NINL: variants seen among roughly 807,000 people sequenced by gnomAD.
NINL encodes ninein like, also known as ninein-like protein.
A neutral mutation model predicts 160.3 loss-of-function variants in NINL; 153 were observed. The observed-to-expected ratio is 0.95, with a 90% CI of 0.84 to 1.09. The LOEUF is 1.09. Ranked by LOEUF, NINL falls within the 50% of genes least tolerant of loss-of-function variation. The pLI is 0.00. For missense variants in NINL, 1,829 were observed against 1,764.0 expected (o/e 1.04, Z -0.66); for synonymous variants, 800 against 734.8 (o/e 1.09, Z -1.43).
chr20:25,496,900 A>C (rs2063767073), intron 9 of NINL, 97 bp from the exon 10 acceptor site: 8 of 1,489,562 alleles, frequency 5.4e-6, no homozygotes, highest in Non-Finnish European at 7.3e-6. Flanking sequence ...TCAATGATAG[A>C]AACTAGCACA....
At chr20:25,470,192 C>A (rs780442557) in intron 17 of NINL, 97 bp from the exon 18 acceptor site, 7 of 866,162 alleles carry the variant, frequency 8.1e-6, no homozygotes, top group African/African-American at 6.6e-5. Context: ...AACTGTGCGT[C>A]CCCATCTCCC....
At chr20:25,492,245 AG>A (rs1473052086) in intron 10 of NINL, among the ~76,000 whole-genome samples, 2 of 152,220 alleles carry the variant, frequency 1.3e-5, no homozygotes, top group African/African-American at 4.8e-5. Context: ...AAAAGGGAAG[AG>A]TATGAAGGAA....
At chr20:25,549,063 C>T (rs2064775451) in intron 1 of NINL, among the ~76,000 whole-genome samples, 1 of 138,370 alleles carries the variant, frequency 7.2e-6, no homozygotes, top group Non-Finnish European at 1.5e-5. Context: ...GGCCTGACCC[C>T]GGCACCCACG....
At chr20:25,512,792 C>G (rs755393199) in intron 4 of NINL, 42 bp downstream of exon 4, 1 of 1,562,678 alleles carries the variant, frequency 6.4e-7, no homozygotes, top group Admixed American at 1.9e-5. Flanking sequence ...ATTTGTTATT[C>G]CCAACACTGG....
chr20:25,553,052 C>T (rs2064823608), intron 1 of NINL, among the ~76,000 whole-genome samples: 4 of 151,242 alleles, frequency 2.6e-5, no homozygotes, highest in Admixed American at 2.0e-4. Context: ...CTCACTGTGG[C>T]CCTCCACTTC....
At chr20:25,475,439 G>A (rs995319430) in intron 17 of NINL, among the ~76,000 whole-genome samples, 8 of 152,090 alleles carry the variant, frequency 5.3e-5, no homozygotes, top group Non-Finnish European at 8.8e-5. Flanking sequence ...GCCAGACAAG[G>A]ACACTACAGT....
At chr20:25,458,807 T>C (rs1464051824) in intron 21 of NINL, 4 of 450,570 alleles carry the variant, frequency 8.9e-6, no homozygotes, top group Non-Finnish European at 1.6e-5. Flanking sequence ...CAGACTCTGC[T>C]GCGTCCAGTG....
intron 17 of NINL, among the ~76,000 whole-genome samples, chr20:25,473,240 G>A (rs1476702131): frequency 6.6e-6 from 1 of 152,034 alleles, no homozygotes; most frequent in Non-Finnish European, 1.5e-5. Context: ...TAACACAGAC[G>A]TGTTCAATTT....
chr20:25,554,637 A>AAAACAAAACAAAAC (rs1491245807), intron 1 of NINL, among the ~76,000 whole-genome samples: 5 of 1,904 alleles, frequency 2.6e-3, no homozygotes, highest in African/African-American at 4.6e-3. Context: ...AAAAAAAAAC[A>AAAACAAAACAAAAC]AAAAAAAAAA....
At chr20:25,511,163 C>A (rs968712971) in intron 4 of NINL, among the ~76,000 whole-genome samples, 1 of 152,196 alleles carries the variant, frequency 6.6e-6, no homozygotes, top group Non-Finnish European at 1.5e-5. Context: ...TCTCAGGACA[C>A]GCTCGCCATA....
At position 25,494,262 on chromosome 20, in the gene NINL, C is replaced by A. The variant is rs549609896; in HGVS notation, c.1310+2401G>T. 1.7e-4 allele frequency among the ~76,000 whole-genome samples: 26 copies of A among 150,328 alleles called. No individual in the cohort carries two copies. The East Asian group carries it at 4.9e-3, about 29-fold the overall frequency. ...ATGCACACAGCACTTTCCACTGCAC[C>A]CCTCTAGTCCCGGAACACTCACAGC... On this transcript the variant is annotated intron_variant, in intron 10 of 23. Coordinates refer to ENST00000278886, the MANE Select transcript of NINL (RefSeq NM_025176.6).
chr20:25,545,342 A>G (rs1464699495), intron 1 of NINL, among the ~76,000 whole-genome samples: 1 of 152,186 alleles, frequency 6.6e-6, no homozygotes, highest in Non-Finnish European at 1.5e-5. Context: ...CATTTGGGAA[A>G]ATAAGCTTGT....
chr20:25,533,557 C>T (rs1424201232), intron 1 of NINL, among the ~76,000 whole-genome samples: 1 of 152,126 alleles, frequency 6.6e-6, no homozygotes, highest in Non-Finnish European at 1.5e-5. Context: ...ATACAGTAGT[C>T]AAATCAGTGT....
At chr20:25,457,476 C>T (rs1348653562) in intron 22 of NINL, among the ~76,000 whole-genome samples, 1 of 152,238 alleles carries the variant, frequency 6.6e-6, no homozygotes, top group Non-Finnish European at 1.5e-5. Flanking sequence ...GCGAGCTTCC[C>T]TCGCTGTGTT....
intron 1 of NINL, among the ~76,000 whole-genome samples, chr20:25,544,486 T>C (rs2064709451): frequency 6.6e-6 from 1 of 152,156 alleles, no homozygotes; most frequent in South Asian, 2.1e-4. Context: ...CTGACTATGC[T>C]GAAAGGCCGC....
chr20:25,522,569 C>T (rs2064282032), intron 2 of NINL, among the ~76,000 whole-genome samples: 1 of 152,148 alleles, frequency 6.6e-6, no homozygotes, highest in Non-Finnish European at 1.5e-5. Context: ...CTGGTGTTGC[C>T]TAGCACATAA....
chr20:25,506,423 A>G (rs1341309412), intron 5 of NINL, among the ~76,000 whole-genome samples: 1 of 152,240 alleles, frequency 6.6e-6, no homozygotes, highest in Non-Finnish European at 1.5e-5. Flanking sequence ...GCAGCCTGCC[A>G]CAGGCTTCTT....
At chr20:25,495,009 G>A (rs1312513845) in intron 10 of NINL, among the ~76,000 whole-genome samples, 1 of 152,188 alleles carries the variant, frequency 6.6e-6, no homozygotes, top group Non-Finnish European at 1.5e-5. Flanking sequence ...CCAGGACTCA[G>A]TTTGTTTGGC....
chr20:25,540,439 C>G (rs139405182), intron 1 of NINL, among the ~76,000 whole-genome samples: 1 of 152,246 alleles, frequency 6.6e-6, no homozygotes, highest in African/African-American at 2.4e-5. Flanking sequence ...TGTTGGTTTG[C>G]ATTTAATTTA....
Sources: gnomAD v4.1 joint callset for allele counts (sites outside exome capture counted in the v4.1 genomes callset) on GRCh38, gnomAD v4.1.1 for gene constraint, MANE v1.5 for transcripts, NCBI Gene and HGNC (gene_info 2026-07-23, HGNC 2026-07-21) for gene names.